Variants in STK32B observed in about 807,000 individuals in gnomAD.
STK32B encodes the protein serine/threonine kinase 32B.
STK32B carries 43 observed loss-of-function variants against 52.6 expected under a neutral mutation model. That is an observed-to-expected ratio of 0.82 (90% CI 0.64 to 1.05). The LOEUF (loss-of-function observed/expected upper bound fraction) is 1.05, where lower values mean the gene tolerates loss of function less well. STK32B is among the 50% of genes least tolerant of loss of function. The probability of loss-of-function intolerance (pLI) is 0.00; values close to 1 mark genes in which losing one functional copy is unlikely to be tolerated. For missense variants in STK32B, 621 were observed against 534.6 expected, an observed-to-expected ratio of 1.16 and a Z score of -1.59; for synonymous variants, 238 against 204.3, an observed-to-expected ratio of 1.17 and a Z score of -1.41.
intron 4 of STK32B, among the ~76,000 whole-genome samples, chr4:5,334,866 G>A (rs911112023): frequency 2.0e-5 from 3 of 151,984 alleles, no homozygotes; most frequent in African/African-American, 7.3e-5. Flanking sequence ...ATGTGCTGCT[G>A]GATTCGGTTT....
intron 3 of STK32B, among the ~76,000 whole-genome samples, chr4:5,295,022 T>A (rs1729107539): frequency 6.6e-6 from 1 of 152,176 alleles, no homozygotes; most frequent in Non-Finnish European, 1.5e-5. Context: ...TCTGCATCTA[T>A]TGAGATAGTC....
At chr4:5,482,394 A>G (rs575712274) in intron 11 of STK32B, among the ~76,000 whole-genome samples, 1 of 152,092 alleles carries the variant, frequency 6.6e-6, no homozygotes, top group South Asian at 2.1e-4. Flanking sequence ...TTTGTCTGTT[A>G]TTGGTGTATT....
chr4:5,046,300 A>G, the STK32B span, among the ~76,000 whole-genome samples: 2 of 152,178 alleles, frequency 1.3e-5, no homozygotes, highest in Non-Finnish European at 2.9e-5. Context: ...TGCTGGGAAA[A>G]GTGGCTAGCT....
At chr4:5,487,333 A>G (rs989503815) in intron 11 of STK32B, among the ~76,000 whole-genome samples, 8 of 152,232 alleles carry the variant, frequency 5.3e-5, no homozygotes, top group African/African-American at 1.9e-4. Flanking sequence ...TTGAGTTAAC[A>G]TTATCCTGTT....
intron 2 of STK32B, among the ~76,000 whole-genome samples, chr4:5,148,834 T>G (rs752238606): frequency 7.2e-5 from 11 of 151,878 alleles, no homozygotes; most frequent in Non-Finnish European, 1.3e-4. Flanking sequence ...AATATCCAAC[T>G]ATGATTGTGG....
chr4:5,123,985 C>A (rs796660043), intron 1 of STK32B, among the ~76,000 whole-genome samples: 11 of 152,100 alleles, frequency 7.2e-5, no homozygotes, highest in African/African-American at 2.4e-4. Flanking sequence ...CATGTGTGAT[C>A]TCATTTACTT....
intron 5 of STK32B, among the ~76,000 whole-genome samples, chr4:5,403,409 G>A (rs1737445895): frequency 6.6e-6 from 1 of 152,070 alleles, no homozygotes; most frequent in African/African-American, 2.4e-5. Context: ...CCACAATAAA[G>A]GCTCTGGCCC....
At chr4:5,463,814 C>A (rs1336608293) in intron 9 of STK32B, among the ~76,000 whole-genome samples, 1 of 152,174 alleles carries the variant, frequency 6.6e-6, no homozygotes, top group Non-Finnish European at 1.5e-5. Flanking sequence ...TCCTTGTCCA[C>A]AAGGCAGTCT....
At chr4:5,231,478 G>T (rs1724263108) in intron 3 of STK32B, among the ~76,000 whole-genome samples, 1 of 152,046 alleles carries the variant, frequency 6.6e-6, no homozygotes, top group African/African-American at 2.4e-5. Context: ...CAGGCATGGT[G>T]GTGCACACCT....
In STK32B at chr4:5,406,900, TCATA is replaced by T. The variant is rs1262260935; in HGVS notation, c.472+8659_472+8662del. ...CTGTTAACATTCAGCTCCCTTTTAC[TCATA>T]CAAATTTCTGCAGCCAGCTTTAAAC... On this transcript the variant is annotated intron_variant, in intron 5 of 11. Transcript: ENST00000282908. Among the ~76,000 whole-genome samples the T allele has an allele frequency of 2.0e-5, 3 of 152,170 alleles. No homozygotes were observed. The East Asian group carries it at 5.8e-4, about 29-fold the overall frequency.
chr4:5,048,859 A>G (rs937962852), upstream of STK32B, among the ~76,000 whole-genome samples: 2 of 152,346 alleles, frequency 1.3e-5, no homozygotes, highest in African/African-American at 4.8e-5. Context: ...TGAGGATGAG[A>G]AAATCCATGC....
At chr4:5,343,718 G>A (rs892390797) in intron 4 of STK32B, among the ~76,000 whole-genome samples, 32 of 152,172 alleles carry the variant, frequency 2.1e-4, no homozygotes, top group African/African-American at 7.5e-4. Context: ...AGCCAAAATT[G>A]ACAAATGGGA....
At chr4:5,318,064 C>T (rs1227053781) in intron 3 of STK32B, among the ~76,000 whole-genome samples, 3 of 152,030 alleles carry the variant, frequency 2.0e-5, no homozygotes, top group African/African-American at 7.3e-5. Context: ...TAGAGAAAGT[C>T]TTGGCTCTCA....
At chr4:5,346,094 T>C (rs1300450734) in intron 4 of STK32B, among the ~76,000 whole-genome samples, 1 of 152,190 alleles carries the variant, frequency 6.6e-6, no homozygotes, top group Non-Finnish European at 1.5e-5. Flanking sequence ...GCAAACTATC[T>C]TAACTCCTGA....
At chr4:5,223,770 T>C (rs1723686950) in intron 3 of STK32B, among the ~76,000 whole-genome samples, 1 of 150,646 alleles carries the variant, frequency 6.6e-6, no homozygotes. Context: ...TGAGCCGAGA[T>C]TGTGCCACTG....
chr4:5,131,454 G>A (rs1022571134), intron 1 of STK32B, among the ~76,000 whole-genome samples: 16 of 151,942 alleles, frequency 1.1e-4, no homozygotes, highest in Non-Finnish European at 1.8e-4. Context: ...CATATTTTTC[G>A]TTCTCCTCCT....
intron 2 of STK32B, among the ~76,000 whole-genome samples, chr4:5,153,059 C>T (rs954238694): frequency 6.6e-6 from 1 of 152,196 alleles, no homozygotes; most frequent in African/African-American, 2.4e-5. Context: ...CTGGAGAGGA[C>T]CCCACTGCCA....
chr4:5,105,764 T>A (rs66685139), intron 1 of STK32B, among the ~76,000 whole-genome samples: 1 of 151,640 alleles, frequency 6.6e-6, no homozygotes, highest in Non-Finnish European at 1.5e-5. Context: ...AGGGTTTCAC[T>A]GTGTTAGCCA....
chr4:5,107,306 G>A (rs1293960275), intron 1 of STK32B, among the ~76,000 whole-genome samples: 1 of 152,030 alleles, frequency 6.6e-6, no homozygotes, highest in Non-Finnish European at 1.5e-5. Flanking sequence ...GATCATTATG[G>A]TGAGTTGTAT....
Sources: gnomAD v4.1 joint callset for allele counts (sites outside exome capture counted in the v4.1 genomes callset) on GRCh38, gnomAD v4.1.1 for gene constraint, MANE v1.5 for transcripts, NCBI Gene and HGNC (gene_info 2026-07-23, HGNC 2026-07-21) for gene names.